MSRA: variants seen among roughly 807,000 people sequenced by gnomAD.
MSRA encodes mitochondrial peptide methionine sulfoxide reductase.
A neutral mutation model predicts 31.3 loss-of-function variants in MSRA; 54 were observed. The ratio of observed to expected loss-of-function variants is 1.73; its 90% CI spans 1.39 to 2.17. The LOEUF (loss-of-function observed/expected upper bound fraction) is 2.17, where lower values mean the gene tolerates loss of function less well. Among genes scored for constraint, MSRA ranks in the 30% most tolerant of loss-of-function variants. MSRA has a pLI of 0.00. For synonymous variants in MSRA, 169 were observed against 116.5 expected (o/e 1.45, Z -2.90); for missense variants, 507 against 300.9 (o/e 1.69, Z -5.07).
intron 3 of MSRA, among the ~76,000 whole-genome samples, chr8:10,263,640 C>T (rs553595986): frequency 6.6e-5 from 10 of 152,264 alleles, no homozygotes; most frequent in African/African-American, 2.4e-4. Context: ...GCCCTGGCTT[C>T]ATGGCTGGCC....
intron 1 of MSRA, among the ~76,000 whole-genome samples, chr8:10,079,736 CAA>C (rs973290549): frequency 6.6e-6 from 1 of 152,168 alleles, no homozygotes; most frequent in African/African-American, 2.4e-5. Context: ...CCATAAGCCA[CAA>C]AGTGTTTCCC....
intron 3 of MSRA, among the ~76,000 whole-genome samples, chr8:10,277,626 G>C (rs1000282263): frequency 1.3e-5 from 2 of 152,154 alleles, no homozygotes; most frequent in African/African-American, 4.8e-5. Context: ...GGTCAAATCA[G>C]ATTATTTCTG....
intron 1 of MSRA, among the ~76,000 whole-genome samples, chr8:10,113,289 CTTCTTTTTTTTT>C (rs1334508291): frequency 5.9e-5 from 3 of 50,898 alleles, no homozygotes; most frequent in African/African-American, 1.1e-4. Context: ...GAAGACAGGT[CTTCTTTTTTTTT>C]TTTTTTTTTT....
intron 1 of MSRA, among the ~76,000 whole-genome samples, chr8:10,094,743 CA>C (rs1799035162): frequency 6.6e-6 from 1 of 152,140 alleles, no homozygotes; most frequent in Non-Finnish European, 1.5e-5. Context: ...TATTTTGCTT[CA>C]AAAGGTGTTT....
chr8:10,288,978 T>A (rs1160566374), intron 3 of MSRA, among the ~76,000 whole-genome samples: 1 of 104,712 alleles, frequency 9.6e-6, no homozygotes, highest in African/African-American at 3.5e-5. Context: ...GGAGTGCCAT[T>A]TCTTTTTTTT....
chr8:10,113,524 TTTC>T lies in MSRA; in HGVS notation c.142+58872_142+58874del, dbSNP rs1284206032. ...TTTGGTGATGGGATGTTGGGGAAGT[TTTC>T]TTCTTTGAATGATGCTGTTGTTGAC... On this transcript the variant is annotated intron_variant, in intron 1 of 5. Coordinates refer to ENST00000317173, the MANE Select transcript of MSRA (RefSeq NM_012331.5). 2.0e-5 allele frequency among the ~76,000 whole-genome samples: 3 copies of T among 151,594 alleles called. No individual in the cohort carries two copies. In the East Asian group the frequency reaches 5.9e-4, roughly 30 times the overall value.
chr8:10,388,974 C>G (rs1223985174), intron 5 of MSRA, among the ~76,000 whole-genome samples: 1 of 152,138 alleles, frequency 6.6e-6, no homozygotes, highest in Non-Finnish European at 1.5e-5. Flanking sequence ...AACTAGGGCA[C>G]TGGAAGTATG....
chr8:10,220,411 A>G (rs756019219), intron 2 of MSRA, among the ~76,000 whole-genome samples: 1 of 152,228 alleles, frequency 6.6e-6, no homozygotes, highest in Non-Finnish European at 1.5e-5. Context: ...ATTACCATGA[A>G]GAAACTCAAA....
intron 3 of MSRA, among the ~76,000 whole-genome samples, chr8:10,267,954 G>A (rs1798831617): frequency 6.6e-6 from 1 of 152,180 alleles, no homozygotes; most frequent in African/African-American, 2.4e-5. Context: ...CCCTGAGGCG[G>A]GGTTGCCACA....
chr8:10,262,194 A>G (rs1316088417), intron 3 of MSRA, among the ~76,000 whole-genome samples: 1 of 152,224 alleles, frequency 6.6e-6, no homozygotes, highest in Admixed American at 6.5e-5. Context: ...ACGTTTGTGT[A>G]CAGGTTTTTA....
At chr8:10,174,672 C>G (rs1265207052) in intron 1 of MSRA, among the ~76,000 whole-genome samples, 10 of 152,208 alleles carry the variant, frequency 6.6e-5, no homozygotes, top group South Asian at 2.1e-4. Flanking sequence ...AGTCTTGTCC[C>G]CATCCGCCCT....
At chr8:10,152,467 T>G (rs943739422) in intron 1 of MSRA, among the ~76,000 whole-genome samples, 1 of 152,186 alleles carries the variant, frequency 6.6e-6, no homozygotes, top group African/African-American at 2.4e-5. Context: ...TCACTAGATC[T>G]GAATCACAAG....
chr8:10,279,754 G>C (rs773034968), intron 3 of MSRA, among the ~76,000 whole-genome samples: 1 of 152,200 alleles, frequency 6.6e-6, no homozygotes, highest in Non-Finnish European at 1.5e-5. Flanking sequence ...CGTCCATGCT[G>C]CTCTTCTTTT....
chr8:10,227,493 G>C (rs1426258731), intron 2 of MSRA, among the ~76,000 whole-genome samples: 1 of 152,152 alleles, frequency 6.6e-6, no homozygotes, highest in East Asian at 1.9e-4. Flanking sequence ...TAGATGAGAA[G>C]GAAGGTCCCT....
chr8:10,219,760 C>A (rs913937159), intron 2 of MSRA, among the ~76,000 whole-genome samples: 1 of 134,458 alleles, frequency 7.4e-6, no homozygotes, highest in Non-Finnish European at 1.5e-5. Context: ...GAGCCAAGAT[C>A]GCACCACTGC....
At chr8:10,172,890 A>C (rs1195923751) in intron 1 of MSRA, among the ~76,000 whole-genome samples, 1 of 152,262 alleles carries the variant, frequency 6.6e-6, no homozygotes, top group East Asian at 1.9e-4. Context: ...TGAGTCTTAA[A>C]GAGGTTATGT....
At chr8:10,251,839 C>A (rs1001830791) in intron 3 of MSRA, among the ~76,000 whole-genome samples, 9 of 151,598 alleles carry the variant, frequency 5.9e-5, no homozygotes, top group African/African-American at 2.2e-4. Context: ...ACCATCGGCA[C>A]CCCTCTGAAG....
At chr8:10,185,918 G>T (rs1299598494) in intron 1 of MSRA, among the ~76,000 whole-genome samples, 1 of 151,846 alleles carries the variant, frequency 6.6e-6, no homozygotes, top group African/African-American at 2.4e-5. Flanking sequence ...GAGAAGGAAA[G>T]CACAACTCAG....
chr8:10,325,813 A>C (rs1171771120), intron 5 of MSRA, among the ~76,000 whole-genome samples: 1 of 152,232 alleles, frequency 6.6e-6, no homozygotes, highest in Non-Finnish European at 1.5e-5. Flanking sequence ...AGGGAGCTGA[A>C]GAGGTGACCC....
Sources: allele counts gnomAD v4.1 joint callset (sites outside exome capture counted in the v4.1 genomes callset), GRCh38; gene constraint gnomAD v4.1.1; transcripts MANE v1.5; gene names NCBI Gene and HGNC (gene_info 2026-07-23, HGNC 2026-07-21).